The following ANXA9 variants were observed in gnomAD, a reference collection of about 807,000 sequenced individuals.
The protein encoded by ANXA9 is annexin 31.
In ANXA9, 47 loss-of-function variants were observed where a neutral mutation model predicts 51.8. That is an observed-to-expected ratio of 0.91 (90% CI 0.72 to 1.16). ANXA9 has a LOEUF of 1.16. Among genes scored for constraint, ANXA9 ranks in the 50% most tolerant of loss-of-function variants. ANXA9 has a pLI of 0.00. For missense variants in ANXA9, 361 were observed against 424.7 expected (o/e 0.85, Z 1.32); for synonymous variants, 154 against 168.7 (o/e 0.91, Z 0.68).
At chr1:150,984,725 G>T in intron 7 of ANXA9, 49 bp downstream of exon 7, 1 of 1,503,626 alleles carries the variant, frequency 6.7e-7, no homozygotes, top group Non-Finnish European at 9.2e-7. Flanking sequence ...GGGGCTGTAG[G>T]ACAGGCCACT....
chr1:150,986,305 A>G, intron 7 of ANXA9, 31 bp from the exon 8 acceptor site: 1 of 1,604,314 alleles, frequency 6.2e-7, no homozygotes, highest in Non-Finnish European at 8.5e-7. Context: ...AAAACTCAGG[A>G]GGATTCAGAG....
chr1:150,979,969 AG>A (rs1671388693), upstream of ANXA9, among the ~76,000 whole-genome samples: 1 of 152,218 alleles, frequency 6.6e-6, no homozygotes, highest in Admixed American at 6.5e-5. Context: ...AAGGTCACAC[AG>A]AAGACCAGAA....
chr1:150,981,775 A>G (rs1178509918), upstream of ANXA9, among the ~76,000 whole-genome samples: 1 of 151,966 alleles, frequency 6.6e-6, no homozygotes, highest in East Asian at 1.9e-4. Flanking sequence ...GGCACTCTCC[A>G]CCTAGGTCAG....
chr1:150,983,073 C>G lies in ANXA9; in HGVS notation c.-16-17C>G. 6.2e-7 allele frequency: 1 copy of G among 1,605,536 alleles called. No homozygotes were observed. Among genetic ancestry groups the G allele is most frequent in the Non-Finnish European group, 8.5e-7 (1 of 1,173,712 alleles). ...GCCAGGAAATTCAGCTCTGTGGGCT[C>G]CTGTTTCCTTCCCCAGGGCAACCAG... On this transcript the variant is annotated splice_polypyrimidine_tract_variant and intron_variant, in intron 2 of 13. Transcript: ENST00000368947.
chr1:150,987,815 C>G, intron 9 of ANXA9, 57 bp from the exon 10 acceptor site: 1 of 1,462,620 alleles, frequency 6.8e-7, no homozygotes, highest in Non-Finnish European at 9.5e-7. Flanking sequence ...CCATGGCTCC[C>G]TAGGCCCCAA....
chr1:150,977,984 A>C (rs1316761191), upstream of ANXA9, among the ~76,000 whole-genome samples: 1 of 151,788 alleles, frequency 6.6e-6, no homozygotes, highest in Non-Finnish European at 1.5e-5. Context: ...AAAAATACAA[A>C]AGTTAGCTAG....
chr1:150,993,633 CTTTTTTT>C (rs35186445), intron 12 of ANXA9, among the ~76,000 whole-genome samples: 4 of 104,186 alleles, frequency 3.8e-5, no homozygotes, highest in Non-Finnish European at 5.5e-5. Context: ...TTCTTTCTTT[CTTTTTTT>C]TTTTTTTTTT....
upstream of ANXA9, among the ~76,000 whole-genome samples, chr1:150,977,933 C>G (rs1457929318): frequency 1.3e-5 from 2 of 149,310 alleles, no homozygotes; most frequent in Non-Finnish European, 3.0e-5. Context: ...GTCAGGAGTT[C>G]AAGACCAGCC....
intron 12 of ANXA9, among the ~76,000 whole-genome samples, chr1:150,993,444 G>A (rs1341812995): frequency 1.3e-5 from 2 of 151,694 alleles, no homozygotes; most frequent in African/African-American, 4.8e-5. Context: ...CAGTAGCTGG[G>A]ATTATAGGCG....
At position 150,985,190 on chromosome 1, in the gene ANXA9, T is replaced by TCTCTCA. The variant is rs1553245700; in HGVS notation, c.472+515_472+516insTCTCAC. 4.1e-5 allele frequency among the ~76,000 whole-genome samples: 6 copies of TCTCTCA among 147,046 alleles called. No individual in the cohort carries two copies. In the East Asian group the frequency reaches 9.9e-4, roughly 24 times the overall value. On this transcript the variant is annotated intron_variant, in intron 7 of 13. Coordinates refer to ENST00000368947, the MANE Select transcript of ANXA9 (RefSeq NM_003568.3). ...ATGTCTCTCTCTCTCTCTCTCTCTC[T>TCTCTCA]CACACACACACACACACACACACAC...
intron 2 of ANXA9, 105 bp from the exon 3 acceptor site, chr1:150,982,985 A>G (rs1671447248): frequency 1.3e-6 from 1 of 755,654 alleles, no homozygotes; most frequent in Non-Finnish European, 2.2e-6. Flanking sequence ...CAGCAAGGAA[A>G]GGAACAGGTG....
upstream of ANXA9, among the ~76,000 whole-genome samples, chr1:150,980,830 C>T (rs1400059122): frequency 4.6e-5 from 7 of 152,078 alleles, no homozygotes; most frequent in East Asian, 1.9e-4. Context: ...CCACCCGCCT[C>T]GGCCTCACAA....
upstream of ANXA9, among the ~76,000 whole-genome samples, chr1:150,979,414 G>C (rs1248838362): frequency 1.3e-5 from 2 of 152,160 alleles, no homozygotes; most frequent in Admixed American, 6.5e-5. Context: ...CGGAGCTGCA[G>C]TACCGTGTTT....
At chr1:150,993,384 C>T (rs1386192838) in intron 12 of ANXA9, among the ~76,000 whole-genome samples, 2 of 151,856 alleles carry the variant, frequency 1.3e-5, no homozygotes. Context: ...TCTCAGCTTA[C>T]TGCAACGTCC....
At chr1:150,984,527 C>T in intron 6 of ANXA9, 59 bp from the exon 7 acceptor site, 2 of 1,551,474 alleles carry the variant, frequency 1.3e-6, no homozygotes, top group Non-Finnish European at 1.8e-6. Flanking sequence ...GCGTCTGCCC[C>T]TCTGTCTGCC....
upstream of ANXA9, among the ~76,000 whole-genome samples, chr1:150,979,500 CT>C (rs1385306310): frequency 6.6e-6 from 1 of 152,200 alleles, no homozygotes; most frequent in Non-Finnish European, 1.5e-5. Context: ...GAGTAGGTAT[CT>C]ACCTGAGGCT....
rs1558038654 is a variant in ANXA9 at position 150,984,571 on chromosome 1, C to T, written c.382-15C>T. 3 of 1,612,836 alleles carry T rather than the reference C, an allele frequency of 1.9e-6. No homozygotes were observed. The highest frequency in any genetic ancestry group is 2.5e-6 in the Non-Finnish European group (3 of 1,178,990). On this transcript the variant is annotated splice_polypyrimidine_tract_variant and intron_variant, in intron 6 of 13. Transcript: ENST00000368947. ...GACACGGCCAGTCTGAGAGTAGACT[C>T]CCAATTTCTTGTAGGCCTCAGATTC...
rs1296969635 is a variant in ANXA9, at chr1:150,986,637, T to C, written c.588T>C (p.Tyr196=). ...GRDSYSGIID[Y]NLAEQDVQAL... ...ACAGCTACTCTGGAATCATTGACTATAATCTGGCAGAACAAGATGTCCAGG... is the reference window on the plus strand; with the variant it reads ...ACAGCTACTCTGGAATCATTGACTACAATCTGGCAGAACAAGATGTCCAGG... Residue 196 remains tyrosine (Y), a synonymous_variant, in exon 9 of 14, where the codon TAT becomes TAC. Coordinates refer to ENST00000368947, the MANE Select transcript of ANXA9 (RefSeq NM_003568.3). The C allele has an allele frequency of 1.3e-6, 2 of 1,599,966 alleles. No individual in the cohort carries two copies. Among genetic ancestry groups the C allele is most frequent in the Non-Finnish European group, 1.7e-6 (2 of 1,176,264 alleles).
intron 12 of ANXA9, among the ~76,000 whole-genome samples, chr1:150,990,672 C>G (rs182483387): frequency 3.3e-3 from 503 of 152,244 alleles, no homozygotes; most frequent in African/African-American, 0.011. Context: ...CATGGTGAAA[C>G]CCCATCTCTA....
Sources: gnomAD v4.1 joint callset for allele counts (sites outside exome capture counted in the v4.1 genomes callset) on GRCh38, gnomAD v4.1.1 for gene constraint, MANE v1.5 for transcripts, NCBI Gene and HGNC (gene_info 2026-07-23, HGNC 2026-07-21) for gene names.